TBC1D2B: variants seen among roughly 807,000 people sequenced by gnomAD.
The protein encoded by TBC1D2B is TBC1 domain family member 2B.
TBC1D2B carries 64 observed loss-of-function variants against 100.8 expected under a neutral mutation model. That is an observed-to-expected ratio of 0.64 (90% CI 0.52 to 0.78). The LOEUF (loss-of-function observed/expected upper bound fraction) is 0.78, where lower values mean the gene tolerates loss of function less well. TBC1D2B is among the 30% of genes least tolerant of loss of function. The probability of loss-of-function intolerance (pLI) is 0.00; values close to 1 mark genes in which losing one functional copy is unlikely to be tolerated. For synonymous variants in TBC1D2B, 480 were observed against 479.7 expected (o/e 1.00, Z -0.01); for missense variants, 1,052 against 1,218.4 (o/e 0.86, Z 2.03).
chr15:78,045,090 T>C (rs752886379), intron 2 of TBC1D2B, 22 bp from the exon 3 acceptor site: 1 of 1,586,558 alleles, frequency 6.3e-7, no homozygotes, highest in Non-Finnish European at 8.6e-7. Flanking sequence ...GGTAAACAAA[T>C]GTCAGTTACT....
At position 77,996,502 on chromosome 15, in the gene TBC1D2B, CAAACT is replaced by C. The variant is rs1377550924; in HGVS notation, c.*1653_*1657del. On this transcript the variant is annotated 3_prime_UTR_variant, in exon 13 of 13. Coordinates refer to ENST00000300584, the MANE Select transcript of TBC1D2B (RefSeq NM_144572.2). ...CAGGACAACTGAAGGAGTCAGACCT[CAAACT>C]GCTGCTCTCAAAGACAAAGACAATG... The C allele has an allele frequency of 6.6e-6, 1 of 152,180 alleles. No homozygotes were observed. Among genetic ancestry groups the C allele is most frequent in the African/African-American group, 2.4e-5 (1 of 41,452 alleles). 9.4% of individuals were successfully genotyped at this position (152,180 alleles called of 1,614,324 possible).
At chr15:78,047,838 C>T (rs1458108374) in intron 2 of TBC1D2B, among the ~76,000 whole-genome samples, 2 of 152,156 alleles carry the variant, frequency 1.3e-5, no homozygotes, top group Non-Finnish European at 2.9e-5. Flanking sequence ...ATGTTGGTGA[C>T]ACCATGTGTC....
chr15:78,004,808 A>G (rs925123231), intron 10 of TBC1D2B, among the ~76,000 whole-genome samples: 1 of 152,202 alleles, frequency 6.6e-6, no homozygotes, highest in Non-Finnish European at 1.5e-5. Flanking sequence ...GGCCCTCCGT[A>G]TAAGAGGGTT....
At chr15:78,068,399 A>C (rs1035951543) in intron 1 of TBC1D2B, among the ~76,000 whole-genome samples, 2 of 151,582 alleles carry the variant, frequency 1.3e-5, no homozygotes, top group African/African-American at 4.9e-5. Context: ...ACACACACAC[A>C]CACACACACA....
chr15:78,053,726 T>G, intron 2 of TBC1D2B: 1 of 249,660 alleles, frequency 4.0e-6, no homozygotes, highest in Non-Finnish European at 7.7e-6. Flanking sequence ...TGCTTCATCA[T>G]TAGGTGTAGT....
intron 9 of TBC1D2B, among the ~76,000 whole-genome samples, chr15:78,011,550 A>T (rs1173521469): frequency 6.8e-6 from 1 of 146,570 alleles, no homozygotes; most frequent in Non-Finnish European, 1.5e-5. Context: ...AGCTCACCGC[A>T]GCCTCAACCT....
rs1041190440 is a variant in TBC1D2B at position 77,998,508 on chromosome 15, G to A, written c.2697-153C>T. 4.8e-6 allele frequency: 3 copies of A among 628,384 alleles called. No individual in the cohort carries two copies. The African/African-American group carries it at 5.7e-5, about 12-fold the overall frequency. The allele number at this position is 628,384 out of a possible 1,614,324, so 38.9% of individuals were successfully genotyped here. On this transcript the variant is annotated intron_variant, in intron 12 of 12. Transcript: ENST00000300584. ...ATGTAGGGGATGAGGCCCACCTTCT[G>A]TAGAGAGGTGACAAAGCACAATGGC...
intron 6 of TBC1D2B, among the ~76,000 whole-genome samples, chr15:78,023,155 C>T (rs12594823): frequency 0.68 from 102,775 of 152,030 alleles, 34,697 homozygotes; most frequent in Admixed American, 0.71. Flanking sequence ...ACCTGGACAG[C>T]AGCAAACCTC....
chr15:78,029,531 A>G (rs973159590), intron 4 of TBC1D2B, among the ~76,000 whole-genome samples: 6 of 152,270 alleles, frequency 3.9e-5, no homozygotes, highest in Admixed American at 2.0e-4. Flanking sequence ...AGAGATACAT[A>G]CTGAAGTATT....
At position 78,007,391 on chromosome 15, in the gene TBC1D2B, G is replaced by C. The variant is rs146716849; in HGVS notation, c.2388+1606C>G. 7.2e-5 allele frequency among the ~76,000 whole-genome samples: 11 copies of C among 152,178 alleles called. No individual in the cohort carries two copies. In the East Asian group the frequency reaches 2.1e-3, roughly 29 times the overall value. On this transcript the variant is annotated intron_variant, in intron 10 of 12. Transcript: ENST00000300584. ...CCGGTGGCCCCACTGTGGTGAAAGG[G>C]ACAAAAAGGGGACACAGATGTAAGC...
chr15:78,009,179 G>A (rs186712342), intron 9 of TBC1D2B, 65 bp from the exon 10 acceptor site: 6 of 1,187,208 alleles, frequency 5.1e-6, no homozygotes, highest in East Asian at 5.1e-5. Flanking sequence ...AGTCTCCACA[G>A]AGACCATCTG....
intron 1 of TBC1D2B, among the ~76,000 whole-genome samples, chr15:78,066,713 AAAG>A (rs1421835396): frequency 6.6e-6 from 1 of 152,264 alleles, no homozygotes; most frequent in Non-Finnish European, 1.5e-5. Context: ...AACAGTATAA[AAAG>A]TGGTTCACTT....
At chr15:78,052,943 G>T (rs778398931) in intron 2 of TBC1D2B, among the ~76,000 whole-genome samples, 1 of 152,204 alleles carries the variant, frequency 6.6e-6, no homozygotes, top group African/African-American at 2.4e-5. Flanking sequence ...TAGTCAGAGC[G>T]CTAAGACAGT....
At chr15:78,053,897 T>C (rs906998810) in intron 2 of TBC1D2B, 137 bp downstream of exon 2, 10 of 1,011,324 alleles carry the variant, frequency 9.9e-6, no homozygotes, top group Middle Eastern at 6.5e-4. Flanking sequence ...TGGGTAACTG[T>C]GGAATGCTGT....
intron 1 of TBC1D2B, among the ~76,000 whole-genome samples, chr15:78,063,422 A>G (rs2141831612): frequency 6.6e-6 from 1 of 152,356 alleles, no homozygotes; most frequent in Middle Eastern, 3.4e-3. Context: ...AGCAGAAATC[A>G]CAAGTTCCTC....
intron 2 of TBC1D2B, among the ~76,000 whole-genome samples, chr15:78,048,187 A>T (rs188715603): frequency 3.3e-4 from 51 of 152,380 alleles, no homozygotes; most frequent in Admixed American, 2.2e-3. Context: ...ACCAGAGACC[A>T]GGGAGGAACA....
At chr15:78,012,768 C>A in intron 9 of TBC1D2B, 55 bp downstream of exon 9, 1 of 1,396,674 alleles carries the variant, frequency 7.2e-7, no homozygotes, top group Non-Finnish European at 9.3e-7. Context: ...CAGGCAGCAC[C>A]GGTGCCTACA....
At chr15:78,040,867 A>AAAGAAAGG (rs1223759988) in intron 3 of TBC1D2B, among the ~76,000 whole-genome samples, 2 of 142,286 alleles carry the variant, frequency 1.4e-5, no homozygotes, top group African/African-American at 5.6e-5. Flanking sequence ...AGAAAGAAAG[A>AAAGAAAGG]AAGAAAGAAA....
At chr15:78,001,340 A>C (rs1335053857) in intron 12 of TBC1D2B, among the ~76,000 whole-genome samples, 1 of 152,240 alleles carries the variant, frequency 6.6e-6, no homozygotes, top group Non-Finnish European at 1.5e-5. Context: ...CAAAGCAGGT[A>C]CTCAGTAAAT....
Sources: allele counts gnomAD v4.1 joint callset (sites outside exome capture counted in the v4.1 genomes callset), GRCh38; gene constraint gnomAD v4.1.1; transcripts MANE v1.5; gene names NCBI Gene and HGNC (gene_info 2026-07-23, HGNC 2026-07-21).